DSCAM: variants seen among roughly 807,000 people sequenced by gnomAD.
The protein encoded by DSCAM is DS cell adhesion molecule, also known as cell adhesion molecule DSCAM.
In DSCAM, 47 loss-of-function variants were observed where a neutral mutation model predicts 217.7. That is an observed-to-expected ratio of 0.22 (90% CI 0.17 to 0.28). The LOEUF (loss-of-function observed/expected upper bound fraction) is 0.28, where lower values mean the gene tolerates loss of function less well. Among genes scored for constraint, DSCAM ranks in the 10% least tolerant of loss-of-function variants. DSCAM has a pLI of 1.00. For synonymous variants in DSCAM, 1,056 were observed against 1,015.3 expected (o/e 1.04, Z -0.76); for missense variants, 2,080 against 2,618.3 (o/e 0.79, Z 4.49).
intron 3 of DSCAM, among the ~76,000 whole-genome samples, chr21:40,426,522 G>A (rs563086483): frequency 6.6e-6 from 1 of 152,114 alleles, no homozygotes; most frequent in Admixed American, 6.6e-5. Flanking sequence ...ATTCTAAATT[G>A]TTAAAGGTTC....
At chr21:40,220,273 C>T (rs1307586117) in intron 11 of DSCAM, among the ~76,000 whole-genome samples, 1 of 152,136 alleles carries the variant, frequency 6.6e-6, no homozygotes. Flanking sequence ...ATGAACCAAC[C>T]TCGAGTGGCT....
Position 40,144,795 on chromosome 21 carries a change from C to A in DSCAM, c.3019-64G>T. On this transcript the variant is annotated intron_variant, in intron 16 of 32. Transcript: ENST00000400454. The surrounding 1 kb of genome is among the most constrained non-coding windows in gnomAD (Gnocchi z 4.8). ...AGGTAGGACAAGAGCGAAATCAACG[C>A]CCACACCCACGTAGGAAAGCAGAAA... The A allele has an allele frequency of 6.3e-7, 1 of 1,598,610 alleles. No individual in the cohort carries two copies. Among genetic ancestry groups the A allele is most frequent in the Middle Eastern group, 1.7e-4 (1 of 6,016 alleles).
intron 9 of DSCAM, among the ~76,000 whole-genome samples, chr21:40,303,130 G>A (rs1234740016): frequency 1.3e-5 from 2 of 152,138 alleles, no homozygotes; most frequent in Non-Finnish European, 2.9e-5. Flanking sequence ...ACATTTAGTT[G>A]AGATGGGACT....
intron 3 of DSCAM, among the ~76,000 whole-genome samples, chr21:40,400,625 T>C (rs1054590431): frequency 1.3e-5 from 2 of 152,206 alleles, no homozygotes; most frequent in Non-Finnish European, 2.9e-5. Flanking sequence ...CTATGTTGCT[T>C]AGGCTGGTTT....
intron 18 of DSCAM, among the ~76,000 whole-genome samples, chr21:40,138,099 A>G (rs1307794532): frequency 6.6e-6 from 1 of 152,252 alleles, no homozygotes; most frequent in Non-Finnish European, 1.5e-5. Context: ...AACCTTCCCT[A>G]TCAAATATAC....
Position 40,389,579 on chromosome 21 carries a change from T to G in DSCAM, c.509-20334A>C, listed in dbSNP as rs373396745. On this transcript the variant is annotated intron_variant, in intron 3 of 32. Transcript: ENST00000400454. ...AATCATTTTAACCATATGAACCAAG[T>G]TGACAAAGAGCTTACCATCTAAAAC... is the stretch of plus-strand genomic sequence containing the variant. 1.2e-4 allele frequency among the ~76,000 whole-genome samples: 19 copies of G among 152,324 alleles called. 1 individual carries two copies. The highest frequency in any genetic ancestry group is 4.6e-4 in the African/African-American group (19 of 41,582).
Position 40,083,917 on chromosome 21 carries a change from A to C in DSCAM, c.4222T>G (p.Ser1408Ala). The C allele has an allele frequency of 3.7e-6, 6 of 1,613,054 alleles. No individual in the cohort carries two copies. The highest frequency in any genetic ancestry group is 5.1e-6 in the Non-Finnish European group (6 of 1,179,380). Residue 1408 changes from serine (S) to alanine (A), a missense_variant, in exon 24 of 33, where the codon TCT becomes GCT. Around this residue, in one of 5 missense-constraint regions of DSCAM, gnomAD observed 1,144 missense variants for 1,421.1 expected, o/e 0.81. Transcript: ENST00000400454. ...ATCTATATCTTATTACCTCTGATAG[A>C]GCTGCCCCCGTTGTCTCCAGGGAGC... Reference protein sequence around the residue: ...SWLPGDNGGSSIRGYILQYSE... With the variant: ...SWLPGDNGGSAIRGYILQYSE...
chr21:40,680,595 A>G (rs1024991602), intron 3 of DSCAM, among the ~76,000 whole-genome samples: 1 of 152,230 alleles, frequency 6.6e-6, no homozygotes, highest in Non-Finnish European at 1.5e-5. Context: ...CTTCTTTTCA[A>G]AGAACATTTT....
chr21:40,058,921 T>G (rs2089070484), intron 28 of DSCAM, among the ~76,000 whole-genome samples: 1 of 152,244 alleles, frequency 6.6e-6, no homozygotes, highest in African/African-American at 2.4e-5. Context: ...TAGTTATTAT[T>G]GAGCTATAAT....
chr21:40,065,380 G>T (rs1421184345), intron 27 of DSCAM, among the ~76,000 whole-genome samples: 2 of 152,028 alleles, frequency 1.3e-5, no homozygotes, highest in Non-Finnish European at 2.9e-5. Context: ...AAAGAAGATG[G>T]CAAAATCTCA....
intron 3 of DSCAM, among the ~76,000 whole-genome samples, chr21:40,433,943 C>T (rs1053728439): frequency 3.3e-5 from 5 of 152,236 alleles, no homozygotes; most frequent in Non-Finnish European, 5.9e-5. Context: ...ATAATATCAC[C>T]TGCGTTGGGC....
At chr21:40,745,762 T>C (rs1469853370) in intron 1 of DSCAM, among the ~76,000 whole-genome samples, 1 of 152,130 alleles carries the variant, frequency 6.6e-6, no homozygotes, top group Non-Finnish European at 1.5e-5. Context: ...TTTAGAATAC[T>C]ATAATATTGT....
rs1225696509 is a variant in DSCAM at position 40,739,979 on chromosome 21, TTTTTTTTG to T, written c.44-31216_44-31209del. 4.4e-4 allele frequency among the ~76,000 whole-genome samples: 61 copies of T among 137,472 alleles called. 1 individual carries two copies. Among genetic ancestry groups the T allele is most frequent in the African/African-American group, 1.6e-3 (60 of 37,140 alleles). The allele number at this position is 137,472 out of a possible 152,430, so 90.2% of individuals were successfully genotyped here. ...ATTTTTTTTTTTTTTTTTTTTTTTTTTTTTTTTGCCAACATTTAAACCAAGAGCTACAG... is the reference window on the plus strand; with the variant it reads ...ATTTTTTTTTTTTTTTTTTTTTTTTTCCAACATTTAAACCAAGAGCTACAG... On this transcript the variant is annotated intron_variant, in intron 1 of 32. Transcript: ENST00000400454.
Position 40,129,452 on chromosome 21 carries a change from G to T in DSCAM, c.3562+4402C>A, listed in dbSNP as rs542368284. On this transcript the variant is annotated intron_variant, in intron 19 of 32. Transcript: ENST00000400454. ...CAGCACATAACACAAGTGGAAGTGG[G>T]GTGGCTCTTGAAGCTGGGGTCAGGG... 6.6e-5 allele frequency among the ~76,000 whole-genome samples: 10 copies of T among 152,240 alleles called. No homozygotes were observed. In the East Asian group the frequency reaches 1.2e-3, roughly 18 times the overall value.
chr21:40,146,292 G>T (rs1173726888), intron 16 of DSCAM, among the ~76,000 whole-genome samples: 5 of 151,992 alleles, frequency 3.3e-5, no homozygotes, highest in South Asian at 2.1e-4. Flanking sequence ...GCACGGCTCA[G>T]AGAAGTAGAA....
At chr21:40,722,165 C>A (rs549692627) in intron 1 of DSCAM, among the ~76,000 whole-genome samples, 38 of 151,968 alleles carry the variant, frequency 2.5e-4, no homozygotes, top group Non-Finnish European at 1.5e-4. Context: ...ATACAAAAAT[C>A]GTTAAAATCT....
At chr21:40,621,958 A>G (rs2089524808) in intron 3 of DSCAM, among the ~76,000 whole-genome samples, 1 of 151,092 alleles carries the variant, frequency 6.6e-6, no homozygotes, top group African/African-American at 2.4e-5. Flanking sequence ...AAAGGAAGGA[A>G]GGAAAGAAAG....
At chr21:40,092,308 G>T (rs915880965) in intron 21 of DSCAM, among the ~76,000 whole-genome samples, 3 of 152,172 alleles carry the variant, frequency 2.0e-5, no homozygotes, top group African/African-American at 7.2e-5. Context: ...ACCCAAGAGA[G>T]CCCTGACCAA....
At chr21:40,078,406 C>CA (rs1296523341) in intron 26 of DSCAM, among the ~76,000 whole-genome samples, 1 of 152,146 alleles carries the variant, frequency 6.6e-6, no homozygotes, top group African/African-American at 2.4e-5. Flanking sequence ...ACCACAGGGT[C>CA]AAGAGTCCTT....
Sources: gnomAD v4.1 joint callset for allele counts (sites outside exome capture counted in the v4.1 genomes callset) on GRCh38, gnomAD v4.1.1 for gene constraint, gnomAD v4.1.1 regional missense constraint, Gnocchi (gnomAD v3.1) non-coding constraint, MANE v1.5 for transcripts, NCBI Gene and HGNC (gene_info 2026-07-23, HGNC 2026-07-21) for gene names.